Variants in SMOC1 observed in about 807,000 individuals in gnomAD.
SMOC1 encodes SPARC related modular calcium binding 1.
SMOC1 carries 22 observed loss-of-function variants against 56.3 expected under a neutral mutation model. That is an observed-to-expected ratio of 0.39 (90% CI 0.28 to 0.56). SMOC1 has a LOEUF of 0.56. Among genes scored for constraint, SMOC1 ranks in the 20% least tolerant of loss-of-function variants. The pLI is 0.61. For missense variants in SMOC1, 509 were observed against 565.4 expected (o/e 0.90, Z 1.01); for synonymous variants, 193 against 215.0 (o/e 0.90, Z 0.89).
chr14:69,942,200 T>C (rs1882591357), intron 1 of SMOC1, among the ~76,000 whole-genome samples: 1 of 152,100 alleles, frequency 6.6e-6, no homozygotes, highest in African/African-American at 2.4e-5. Context: ...CACATGTCAG[T>C]CTTTGCAACT....
chr14:69,955,288 G>A (rs745379035), intron 3 of SMOC1, among the ~76,000 whole-genome samples: 1 of 152,090 alleles, frequency 6.6e-6, no homozygotes, highest in African/African-American at 2.4e-5. Context: ...AGGCAGTCTG[G>A]TGGTCTGGTT....
intron 1 of SMOC1, among the ~76,000 whole-genome samples, chr14:69,951,670 C>T (rs933554004): frequency 3.0e-4 from 46 of 152,188 alleles, no homozygotes; most frequent in African/African-American, 1.1e-3. Context: ...TTTGAGGATA[C>T]ACCCAAATAG....
chr14:69,979,851 C>A (rs2139512994), intron 5 of SMOC1, among the ~76,000 whole-genome samples: 1 of 152,240 alleles, frequency 6.6e-6, no homozygotes, highest in South Asian at 2.1e-4. Context: ...GTCAATCATG[C>A]AAAACTGACC....
intron 1 of SMOC1, among the ~76,000 whole-genome samples, chr14:69,946,208 A>G (rs554860656): frequency 6.6e-6 from 1 of 152,198 alleles, no homozygotes; most frequent in African/African-American, 2.4e-5. Context: ...GCATGTGTGC[A>G]TTTCAGATGG....
chr14:69,912,186 A>G (rs984935461), intron 1 of SMOC1, among the ~76,000 whole-genome samples: 5 of 152,228 alleles, frequency 3.3e-5, no homozygotes, highest in African/African-American at 1.2e-4. Flanking sequence ...AAATAGCACA[A>G]GTATATTGAA....
At chr14:69,941,941 C>T (rs1049166140) in intron 1 of SMOC1, among the ~76,000 whole-genome samples, 1 of 152,314 alleles carries the variant, frequency 6.6e-6, no homozygotes, top group Non-Finnish European at 1.5e-5. Context: ...AACACAGTGT[C>T]AGCTGCTCTG....
At chr14:69,910,601 T>G (rs1884532228) in intron 1 of SMOC1, among the ~76,000 whole-genome samples, 1 of 149,108 alleles carries the variant, frequency 6.7e-6, no homozygotes, top group Admixed American at 6.7e-5. Context: ...TTGAAGGATT[T>G]TTTTTTTTTT....
chr14:69,906,211 C>G lies in SMOC1; in HGVS notation c.99+26434C>G, dbSNP rs1180904719. ...AAGGGCTGTGTTCCTTTCCCACAAT[C>G]TGGGAAACTTTGACTCCACTGGAGG... On this transcript the variant is annotated intron_variant, in intron 1 of 11. Transcript: ENST00000361956. 2.0e-5 allele frequency among the ~76,000 whole-genome samples: 3 copies of G among 152,208 alleles called. No homozygotes were observed. The East Asian group carries it at 5.8e-4, about 29-fold the overall frequency.
At chr14:69,955,176 A>C (rs1407157898) in intron 3 of SMOC1, among the ~76,000 whole-genome samples, 2 of 152,106 alleles carry the variant, frequency 1.3e-5, no homozygotes, top group Admixed American at 1.3e-4. Flanking sequence ...TGGGGTTCAG[A>C]CTCACAAATC....
At chr14:69,917,440 C>T (rs937730003) in intron 1 of SMOC1, among the ~76,000 whole-genome samples, 1 of 152,154 alleles carries the variant, frequency 6.6e-6, no homozygotes, top group Non-Finnish European at 1.5e-5. Context: ...GTGTAGCTTG[C>T]ATTAAAAGAA....
At chr14:69,933,115 G>A (rs1219000530) in intron 1 of SMOC1, among the ~76,000 whole-genome samples, 3 of 152,098 alleles carry the variant, frequency 2.0e-5, no homozygotes, top group Non-Finnish European at 2.9e-5. Flanking sequence ...CATAGCAAGC[G>A]CAGGTGAAAA....
chr14:69,996,690 G>A (rs1340244261), intron 7 of SMOC1, among the ~76,000 whole-genome samples: 1 of 152,216 alleles, frequency 6.6e-6, no homozygotes. Context: ...TAAGGTTCGT[G>A]TATATGACAG....
chr14:69,902,970 A>G (rs1175281643), intron 1 of SMOC1, among the ~76,000 whole-genome samples: 4 of 151,426 alleles, frequency 2.6e-5, no homozygotes, highest in African/African-American at 7.3e-5. Flanking sequence ...GCTCGCTGCA[A>G]CCTCCACCTC....
chr14:69,921,045 C>T (rs1300541602), intron 1 of SMOC1, among the ~76,000 whole-genome samples: 1 of 152,180 alleles, frequency 6.6e-6, no homozygotes, highest in Non-Finnish European at 1.5e-5. Context: ...AGTTGGTCGC[C>T]CAAAGCCCAT....
intron 3 of SMOC1, among the ~76,000 whole-genome samples, chr14:69,972,075 A>C (rs1883781299): frequency 6.6e-6 from 1 of 152,210 alleles, no homozygotes; most frequent in South Asian, 2.1e-4. Flanking sequence ...CTTAACAACT[A>C]AGATAAGTAT....
chr14:69,943,497 C>T (rs1882653840), intron 1 of SMOC1, among the ~76,000 whole-genome samples: 1 of 152,190 alleles, frequency 6.6e-6, no homozygotes, highest in Admixed American at 6.5e-5. Flanking sequence ...GGAAACTACT[C>T]TCCATTCCCA....
Position 70,023,398 on chromosome 14 carries a change from G to A in SMOC1, c.1242G>A (p.Lys414=), listed in dbSNP as rs367565359. ...FTDYCDLNKD[K]VISLPELKGC... ...ACTACTGTGACCTGAACAAAGACAAGGTCATTTCACTGCCTGAGCTGAAGG... is the reference window on the plus strand; with the variant it reads ...ACTACTGTGACCTGAACAAAGACAAAGTCATTTCACTGCCTGAGCTGAAGG... The change falls in exon 11 of 12, where the codon AAG becomes AAA. Residue 414 remains lysine, a synonymous_variant. Transcript: ENST00000361956. 2.9e-5 allele frequency: 46 copies of A among 1,613,934 alleles called. 1 individual carries two copies. The African/African-American group carries it at 5.7e-4, about 20-fold the overall frequency.
intron 1 of SMOC1, among the ~76,000 whole-genome samples, chr14:69,888,400 A>G (rs1883868282): frequency 6.6e-6 from 1 of 152,222 alleles, no homozygotes; most frequent in African/African-American, 2.4e-5. Flanking sequence ...AGCTCTGCAT[A>G]CTTCCTGGAC....
At chr14:70,024,297 C>T (rs182508102) in intron 11 of SMOC1, among the ~76,000 whole-genome samples, 6 of 152,272 alleles carry the variant, frequency 3.9e-5, no homozygotes, top group Admixed American at 3.9e-4. Flanking sequence ...AAGGGACAGA[C>T]AGCCTTGAAA....
Sources: allele counts gnomAD v4.1 joint callset (sites outside exome capture counted in the v4.1 genomes callset), GRCh38; gene constraint gnomAD v4.1.1; transcripts MANE v1.5; gene names NCBI Gene and HGNC (gene_info 2026-07-23, HGNC 2026-07-21).